The following PAM variants were observed in gnomAD, a reference collection of about 807,000 sequenced individuals.
PAM encodes peptidylglycine alpha-amidating monooxygenase.
A neutral mutation model predicts 122.1 loss-of-function variants in PAM; 72 were observed. That is an observed-to-expected ratio of 0.59 (90% CI 0.49 to 0.72). The LOEUF is 0.72. Ranked by LOEUF, PAM falls within the 30% of genes least tolerant of loss-of-function variation. The pLI, the probability that PAM is intolerant of heterozygous loss-of-function variation, is 0.00. For missense variants in PAM, 1,106 were observed against 1,183.7 expected (o/e 0.93, Z 0.96); for synonymous variants, 389 against 404.4 (o/e 0.96, Z 0.46).
At chr5:102,973,948 C>A (rs991056400) in intron 14 of PAM, among the ~76,000 whole-genome samples, 168 bp from the exon 15 acceptor site, 1 of 152,034 alleles carries the variant, frequency 6.6e-6, no homozygotes. Context: ...AGTATTTCAT[C>A]GGTCTAGGAA....
chr5:102,902,890 T>G (rs929552074), intron 4 of PAM, among the ~76,000 whole-genome samples: 2 of 151,508 alleles, frequency 1.3e-5, no homozygotes, highest in African/African-American at 4.8e-5. Flanking sequence ...TTCTGGAGAT[T>G]GGTGGTAGTA....
At chr5:103,003,170 T>A in intron 17 of PAM, 21 bp downstream of exon 17, 3 of 1,005,482 alleles carry the variant, frequency 3.0e-6, no homozygotes, top group Non-Finnish European at 4.8e-6. Context: ...TGACTTATGT[T>A]GTTAAGACTT....
At chr5:102,861,386 A>G (rs566914223) in intron 1 of PAM, among the ~76,000 whole-genome samples, 31 of 152,354 alleles carry the variant, frequency 2.0e-4, no homozygotes, top group African/African-American at 7.0e-4. Context: ...CTCCTGCCAA[A>G]GATACATAAC....
At chr5:102,978,727 A>G (rs994913039) in intron 15 of PAM, among the ~76,000 whole-genome samples, 3 of 151,918 alleles carry the variant, frequency 2.0e-5, no homozygotes, top group African/African-American at 7.3e-5. Context: ...CCATTCTTAT[A>G]TTTCAGCCAT....
chr5:102,993,492 T>TGTTAGAA (rs1774782997), intron 16 of PAM, among the ~76,000 whole-genome samples: 1 of 152,146 alleles, frequency 6.6e-6, no homozygotes, highest in Non-Finnish European at 1.5e-5. Flanking sequence ...AACTTATAGA[T>TGTTAGAA]GTTAGAAGTT....
Position 102,997,675 on chromosome 5 carries a change from A to T in PAM, c.1614-5358A>T, listed in dbSNP as rs548956594. On this transcript the variant is annotated intron_variant, in intron 16 of 25. Transcript: ENST00000438793. ...AAAGTGGATAATGAAATAGAATTAGATGATCCTCAAATTAGTTAATTTTAC... is the reference window on the plus strand; with the variant it reads ...AAAGTGGATAATGAAATAGAATTAGTTGATCCTCAAATTAGTTAATTTTAC... 1.9e-4 allele frequency among the ~76,000 whole-genome samples: 29 copies of T among 152,348 alleles called. No homozygotes were observed. The South Asian group carries it at 5.4e-3, about 28-fold the overall frequency.
intron 1 of PAM, among the ~76,000 whole-genome samples, chr5:102,805,320 A>T (rs535690938): frequency 1.3e-5 from 2 of 152,190 alleles, no homozygotes; most frequent in East Asian, 3.9e-4. Flanking sequence ...TGCTCGCCTC[A>T]GCCTCCCAAT....
At chr5:102,927,005 A>T (rs573631402) in intron 7 of PAM, among the ~76,000 whole-genome samples, 2 of 151,962 alleles carry the variant, frequency 1.3e-5, no homozygotes, top group South Asian at 4.2e-4. Context: ...ATAGGAAGGT[A>T]CTGGTTGTTT....
intron 12 of PAM, among the ~76,000 whole-genome samples, chr5:102,953,684 A>G (rs1759738305): frequency 6.6e-6 from 1 of 152,190 alleles, no homozygotes; most frequent in Admixed American, 6.6e-5. Flanking sequence ...ATATTTCAAA[A>G]TAATTAAGAG....
chr5:102,962,985 T>C lies in PAM; in HGVS notation c.1162+1756T>C, dbSNP rs149266133. ...TTCTTCTGTTTGTGAATAAAAATGCTGTAACTAAAGGTATTTAACTTGAGA... is the reference window on the plus strand; with the variant it reads ...TTCTTCTGTTTGTGAATAAAAATGCCGTAACTAAAGGTATTTAACTTGAGA... On this transcript the variant is annotated intron_variant, in intron 14 of 25. Transcript: ENST00000438793. Among the ~76,000 whole-genome samples, 1,010 of 151,954 alleles carry C rather than the reference T, an allele frequency of 6.6e-3. 8 individuals are homozygous for C. Among genetic ancestry groups the C allele is most frequent in the Non-Finnish European group, 0.012 (840 of 67,780 alleles).
chr5:102,887,745 A>G (rs1399993767), intron 3 of PAM, among the ~76,000 whole-genome samples: 1 of 151,796 alleles, frequency 6.6e-6, no homozygotes, highest in African/African-American at 2.4e-5. Context: ...TTCCAGCTGC[A>G]CTGGTTTCTT....
At chr5:102,921,102 A>G (rs1747288589) in intron 5 of PAM, among the ~76,000 whole-genome samples, 1 of 152,116 alleles carries the variant, frequency 6.6e-6, no homozygotes, top group African/African-American at 2.4e-5. Context: ...TACTATGAAT[A>G]CTAAGAAACC....
chr5:102,833,535 T>C (rs1475240180), intron 1 of PAM, among the ~76,000 whole-genome samples: 3 of 152,180 alleles, frequency 2.0e-5, no homozygotes, highest in African/African-American at 7.2e-5. Context: ...CAGCTCCACT[T>C]TTCTATTTCA....
chr5:102,908,325 GATCTAT>G (rs757693596), intron 4 of PAM, among the ~76,000 whole-genome samples: 7 of 151,820 alleles, frequency 4.6e-5, no homozygotes, highest in Non-Finnish European at 1.0e-4. Flanking sequence ...CTGTTCCATT[GATCTAT>G]ATCTCTGTTT....
chr5:102,924,334 G>A (rs1748561875), intron 5 of PAM, among the ~76,000 whole-genome samples: 1 of 151,340 alleles, frequency 6.6e-6, no homozygotes, highest in African/African-American at 2.4e-5. Flanking sequence ...TCAGGAGGCT[G>A]AGGCAGGAGA....
intron 3 of PAM, chr5:102,873,614 G>GGTTA (rs1788229835): frequency 6.6e-6 from 1 of 152,178 alleles, no homozygotes; most frequent in Non-Finnish European, 1.5e-5. Flanking sequence ...AGCAAATGAG[G>GGTTA]GTTACTTCTT....
intron 1 of PAM, among the ~76,000 whole-genome samples, chr5:102,770,200 CT>C (rs1315725636): frequency 4.6e-5 from 7 of 151,634 alleles, no homozygotes; most frequent in African/African-American, 1.5e-4. Context: ...GTATGTTGGT[CT>C]TTTGTATATT....
rs1230474110 is a variant in PAM, at chr5:102,961,241, T to C, written c.1162+12T>C. ...AGTGTTAGACCAGGGTATGTATGCT[T>C]ATTTCTATAACTAGTCCTATAAAAG... On this transcript the variant is annotated intron_variant, in intron 14 of 25. Transcript: ENST00000438793. 2 of 1,436,714 alleles carry C rather than the reference T, an allele frequency of 1.4e-6. No homozygotes were observed. The highest frequency in any genetic ancestry group is 4.6e-5 in the East Asian group (2 of 43,808). 89.0% of individuals were successfully genotyped at this position (1,436,714 alleles called of 1,614,324 possible). A position where few individuals can be genotyped will look rare whatever the true frequency, so the allele number is the denominator to read the frequency against.
chr5:103,010,584 G>T (rs1780306953), intron 21 of PAM, among the ~76,000 whole-genome samples: 1 of 152,104 alleles, frequency 6.6e-6, no homozygotes, highest in African/African-American at 2.4e-5. Flanking sequence ...CTGCTAAAAT[G>T]CTACAAATAA....
Sources: gnomAD v4.1 joint callset for allele counts (sites outside exome capture counted in the v4.1 genomes callset) on GRCh38, gnomAD v4.1.1 for gene constraint, MANE v1.5 for transcripts, NCBI Gene and HGNC (gene_info 2026-07-23, HGNC 2026-07-21) for gene names.